PCP4: variants seen among roughly 807,000 people sequenced by gnomAD.
PCP4 encodes the protein Purkinje cell protein 4, also known as calmodulin regulator protein PCP4.
A neutral mutation model predicts 10.0 loss-of-function variants in PCP4; 8 were observed. The observed-to-expected ratio is 0.80, with a 90% CI of 0.47 to 1.45. The LOEUF is 1.45. Among genes scored for constraint, PCP4 ranks in the 40% most tolerant of loss-of-function variants. The pLI, the probability that PCP4 is intolerant of heterozygous loss-of-function variation, is 0.00. For synonymous variants in PCP4, 21 were observed against 23.0 expected (o/e 0.91, Z 0.24); for missense variants, 54 against 74.4 (o/e 0.73, Z 1.01).
At chr21:39,917,823 T>C (rs781280731) in intron 2 of PCP4, among the ~76,000 whole-genome samples, 1 of 152,168 alleles carries the variant, frequency 6.6e-6, no homozygotes, top group Non-Finnish European at 1.5e-5. Context: ...CTAATCTCCA[T>C]AACCTCAGAA....
At chr21:39,894,061 T>C (rs1385309784) in intron 1 of PCP4, among the ~76,000 whole-genome samples, 2 of 152,156 alleles carry the variant, frequency 1.3e-5, no homozygotes, top group Non-Finnish European at 2.9e-5. Flanking sequence ...GAGCATTTTA[T>C]GGAAGAGAAG....
intron 2 of PCP4, among the ~76,000 whole-genome samples, chr21:39,925,016 C>A (rs2087614236): frequency 6.6e-6 from 1 of 152,192 alleles, no homozygotes; most frequent in South Asian, 2.1e-4. Context: ...CCCTGTGTGC[C>A]TATTGAGGTC....
At chr21:39,871,532 T>C (rs2087319940) in intron 1 of PCP4, among the ~76,000 whole-genome samples, 1 of 152,172 alleles carries the variant, frequency 6.6e-6, no homozygotes, top group African/African-American at 2.4e-5. Context: ...CATTTGAGGG[T>C]GTACCTGCAG....
intron 1 of PCP4, among the ~76,000 whole-genome samples, chr21:39,879,178 G>A (rs1816803327): frequency 6.6e-6 from 1 of 151,954 alleles, no homozygotes; most frequent in Admixed American, 6.6e-5. Flanking sequence ...TAGTAGAGAT[G>A]GGGTTTCACC....
At chr21:39,925,711 G>A (rs1458042695) in intron 2 of PCP4, among the ~76,000 whole-genome samples, 1 of 152,156 alleles carries the variant, frequency 6.6e-6, no homozygotes, top group East Asian at 1.9e-4. Flanking sequence ...GTGGGTATCA[G>A]CAGTAGAAAG....
chr21:39,928,869 A>T, intron 2 of PCP4, 115 bp from the exon 3 acceptor site: 1 of 958,852 alleles, frequency 1.0e-6, no homozygotes, highest in Non-Finnish European at 1.6e-6. Flanking sequence ...GGTGTAAGTT[A>T]AGCCCCTGTG....
chr21:39,876,819 C>T (rs1224387827), intron 1 of PCP4, among the ~76,000 whole-genome samples: 1 of 152,238 alleles, frequency 6.6e-6, no homozygotes, highest in Non-Finnish European at 1.5e-5. Flanking sequence ...TCTGTGCCAA[C>T]AGCACTGCCT....
intron 1 of PCP4, among the ~76,000 whole-genome samples, chr21:39,878,950 AT>A (rs1298150153): frequency 1.3e-5 from 2 of 150,898 alleles, no homozygotes; most frequent in Non-Finnish European, 1.5e-5. Flanking sequence ...AATGTGGGAT[AT>A]TTTACCTCTT....
chr21:39,868,511 A>C (rs2087304426), intron 1 of PCP4, among the ~76,000 whole-genome samples: 1 of 152,204 alleles, frequency 6.6e-6, no homozygotes. Flanking sequence ...GTTTAGGACA[A>C]AGCCAGGGGT....
intron 2 of PCP4, among the ~76,000 whole-genome samples, chr21:39,921,552 G>A (rs2087596566): frequency 6.6e-6 from 1 of 152,140 alleles, no homozygotes; most frequent in African/African-American, 2.4e-5. Flanking sequence ...TCCAAATTAG[G>A]TCAGGTGCTG....
intron 1 of PCP4, among the ~76,000 whole-genome samples, chr21:39,889,004 G>A (rs1277764901): frequency 6.6e-6 from 1 of 152,186 alleles, no homozygotes; most frequent in Non-Finnish European, 1.5e-5. Context: ...GTAGCCGTGA[G>A]AGGCTGACAG....
chr21:39,882,443 A>G (rs1471711664), intron 1 of PCP4, among the ~76,000 whole-genome samples: 1 of 152,124 alleles, frequency 6.6e-6, no homozygotes, highest in Non-Finnish European at 1.5e-5. Context: ...GCATTTTACC[A>G]GCTGTACTGG....
At chr21:39,907,657 C>T (rs752527526) in intron 2 of PCP4, among the ~76,000 whole-genome samples, 3 of 152,038 alleles carry the variant, frequency 2.0e-5, no homozygotes, top group Admixed American at 6.6e-5. Context: ...ATTATCTGGG[C>T]GTGGTGGCGG....
chr21:39,905,864 C>T (rs2299763), intron 2 of PCP4, among the ~76,000 whole-genome samples: 24,096 of 152,010 alleles, frequency 0.16, 1,998 homozygotes, highest in Admixed American at 0.21. Context: ...CTGGCTAACA[C>T]GGTGAAACCC....
At chr21:39,905,800 G>T (rs1281430026) in intron 2 of PCP4, among the ~76,000 whole-genome samples, 1 of 152,140 alleles carries the variant, frequency 6.6e-6, no homozygotes, top group Non-Finnish European at 1.5e-5. Context: ...TGTAATCCCA[G>T]CACTTTGGGA....
rs894927497 is a variant in PCP4, at chr21:39,909,187, C to T, written c.61+10660C>T. ...GACTTCACTATTTCCAGCATTAATT[C>T]GAAGGAGTAGATATTACAGTTATTA... On this transcript the variant is annotated intron_variant, in intron 2 of 2. Coordinates refer to ENST00000328619, the MANE Select transcript of PCP4 (RefSeq NM_006198.3). Among the ~76,000 whole-genome samples the T allele has an allele frequency of 5.9e-5, 9 of 152,262 alleles. No individual in the cohort carries two copies. In the East Asian group the frequency reaches 1.2e-3, roughly 20 times the overall value.
chr21:39,901,305 C>G (rs1474581848), intron 2 of PCP4, among the ~76,000 whole-genome samples: 1 of 152,188 alleles, frequency 6.6e-6, no homozygotes, highest in East Asian at 1.9e-4. Flanking sequence ...TAGGCACCCC[C>G]CAGGGTACCT....
intron 1 of PCP4, among the ~76,000 whole-genome samples, chr21:39,883,008 AT>A (rs2087383266): frequency 6.6e-6 from 1 of 152,162 alleles, no homozygotes; most frequent in South Asian, 2.1e-4. Flanking sequence ...TTTTTTTCTA[AT>A]CACAGCAGCT....
intron 2 of PCP4, among the ~76,000 whole-genome samples, chr21:39,917,711 T>A (rs1420885708): frequency 2.0e-5 from 3 of 152,120 alleles, no homozygotes; most frequent in African/African-American, 7.2e-5. Flanking sequence ...TCATCATACC[T>A]CTCTGATTGT....
Sources: gnomAD v4.1 joint callset for allele counts (sites outside exome capture counted in the v4.1 genomes callset) on GRCh38, gnomAD v4.1.1 for gene constraint, MANE v1.5 for transcripts, NCBI Gene and HGNC (gene_info 2026-07-23, HGNC 2026-07-21) for gene names.